Variants in PLCXD3 observed in about 807,000 individuals in gnomAD.
PLCXD3 encodes the protein PI-PLC X domain-containing protein 3.
PLCXD3 carries 19 observed loss-of-function variants against 25.5 expected under a neutral mutation model. That is an observed-to-expected ratio of 0.75 (90% CI 0.52 to 1.09). The LOEUF (loss-of-function observed/expected upper bound fraction) is 1.09, where lower values mean the gene tolerates loss of function less well. Ranked by LOEUF, PLCXD3 falls within the 50% of genes least tolerant of loss-of-function variation. The pLI is 0.00. For synonymous variants in PLCXD3, 174 were observed against 137.6 expected (o/e 1.26, Z -1.85); for missense variants, 411 against 388.1 (o/e 1.06, Z -0.50).
intron 2 of PLCXD3, among the ~76,000 whole-genome samples, chr5:41,376,243 C>T (rs1476947901): frequency 1.3e-5 from 2 of 152,092 alleles, no homozygotes; most frequent in South Asian, 2.1e-4. Context: ...TCCAAGGGGG[C>T]AGCACTGTCA....
rs1007448834 is a variant in PLCXD3 at position 41,412,887 on chromosome 5, A to G, written c.104-30353T>C. 2.0e-4 allele frequency among the ~76,000 whole-genome samples: 31 copies of G among 152,146 alleles called. 1 individual carries two copies. The highest frequency in any genetic ancestry group is 2.1e-4 in the Non-Finnish European group (14 of 68,020). On this transcript the variant is annotated intron_variant, in intron 1 of 2. Coordinates refer to ENST00000377801, the MANE Select transcript of PLCXD3 (RefSeq NM_001005473.3). ...AACTGTAAAGCCTTTCTTTAATTCA[A>G]CTATTTGTACTGTCTTCTGGTAGGA...
intron 1 of PLCXD3, among the ~76,000 whole-genome samples, chr5:41,418,637 GAAT>G (rs1746747453): frequency 6.6e-6 from 1 of 152,086 alleles, no homozygotes; most frequent in African/African-American, 2.4e-5. Context: ...TCCAGTTTAT[GAAT>G]CAAACCACAT....
intron 2 of PLCXD3, among the ~76,000 whole-genome samples, chr5:41,370,934 T>C (rs935170622): frequency 6.6e-6 from 1 of 152,184 alleles, no homozygotes; most frequent in Non-Finnish European, 1.5e-5. Flanking sequence ...TTCTATTTTT[T>C]TCCTGCCCTG....
intron 1 of PLCXD3, among the ~76,000 whole-genome samples, chr5:41,383,119 T>C (rs1745523544): frequency 6.6e-6 from 1 of 152,142 alleles, no homozygotes; most frequent in South Asian, 2.1e-4. Flanking sequence ...TTCCTGACCT[T>C]GTGTTTGGGC....
In PLCXD3 at chr5:41,313,056, A is replaced by C. The variant is rs1445541878; in HGVS notation, c.*561T>G. ...GACCTTCAATATTACTGATGCATGG[A>C]AACTGATTTGATGCAGATTTTCTAT... On this transcript the variant is annotated 3_prime_UTR_variant, in exon 3 of 3. Transcript: ENST00000377801. 6.5e-6 allele frequency: 1 copy of C among 152,910 alleles called. No individual in the cohort carries two copies. Among genetic ancestry groups the C allele is most frequent in the East Asian group, 1.9e-4 (1 of 5,198 alleles). 9.5% of individuals were successfully genotyped at this position (152,910 alleles called of 1,614,324 possible).
intron 2 of PLCXD3, among the ~76,000 whole-genome samples, chr5:41,362,784 T>C (rs10512774): frequency 0.075 from 11,362 of 152,244 alleles, 745 homozygotes; most frequent in East Asian, 0.35. Context: ...TTTATTATAG[T>C]GCTGCGTAGT....
chr5:41,476,334 C>G (rs1339468691), intron 1 of PLCXD3, among the ~76,000 whole-genome samples: 1 of 152,198 alleles, frequency 6.6e-6, no homozygotes, highest in Non-Finnish European at 1.5e-5. Flanking sequence ...ATGTCCTCAC[C>G]ATTCCCAGAA....
intron 2 of PLCXD3, among the ~76,000 whole-genome samples, chr5:41,357,373 A>G (rs893532603): frequency 6.6e-6 from 1 of 152,260 alleles, no homozygotes; most frequent in African/African-American, 2.4e-5. Context: ...GGCATTGGCC[A>G]ATTATAAATT....
At chr5:41,454,281 A>C (rs2150515147) in intron 1 of PLCXD3, among the ~76,000 whole-genome samples, 1 of 152,138 alleles carries the variant, frequency 6.6e-6, no homozygotes, top group African/African-American at 2.4e-5. Flanking sequence ...TACTATAACA[A>C]AATACCATAA....
intron 2 of PLCXD3, among the ~76,000 whole-genome samples, chr5:41,360,511 C>A (rs1444762627): frequency 6.6e-6 from 1 of 152,164 alleles, no homozygotes; most frequent in African/African-American, 2.4e-5. Context: ...ACTTGGGACT[C>A]AAGGGCTGCT....
intron 2 of PLCXD3, among the ~76,000 whole-genome samples, chr5:41,365,910 CATTTATTTATTT>C (rs71608604): frequency 0.55 from 80,589 of 147,456 alleles, 22,379 homozygotes; most frequent in Middle Eastern, 0.6. Flanking sequence ...AATAGGTCAC[CATTTATTTATTT>C]ATTTATTTAT....
At chr5:41,360,040 T>A (rs886202688) in intron 2 of PLCXD3, among the ~76,000 whole-genome samples, 3 of 152,304 alleles carry the variant, frequency 2.0e-5, no homozygotes, top group Admixed American at 6.5e-5. Flanking sequence ...TTTTAAAAAA[T>A]TCTTTTTTAT....
intron 1 of PLCXD3, among the ~76,000 whole-genome samples, chr5:41,403,710 C>T (rs1224038668): frequency 2.3e-5 from 3 of 130,830 alleles, no homozygotes; most frequent in Non-Finnish European, 4.8e-5. Context: ...CAATTTCATC[C>T]ATGTCCCTAC....
At chr5:41,434,860 G>A (rs1283915176) in intron 1 of PLCXD3, among the ~76,000 whole-genome samples, 1 of 152,128 alleles carries the variant, frequency 6.6e-6, no homozygotes, top group Non-Finnish European at 1.5e-5. Context: ...TGGCATTACT[G>A]TGGAGGCACA....
At chr5:41,332,845 CA>C (rs1335624746) in intron 2 of PLCXD3, among the ~76,000 whole-genome samples, 1 of 151,942 alleles carries the variant, frequency 6.6e-6, no homozygotes, top group Non-Finnish European at 1.5e-5. Context: ...ATCGCAAGAA[CA>C]AAAAACCAAG....
intron 1 of PLCXD3, among the ~76,000 whole-genome samples, chr5:41,468,682 G>A (rs1482511017): frequency 1.3e-5 from 2 of 152,006 alleles, no homozygotes; most frequent in Admixed American, 1.3e-4. Flanking sequence ...TCTGTTATTA[G>A]TATATAGAAA....
At chr5:41,402,906 T>C (rs902539066) in intron 1 of PLCXD3, among the ~76,000 whole-genome samples, 1 of 152,094 alleles carries the variant, frequency 6.6e-6, no homozygotes, top group African/African-American at 2.4e-5. Flanking sequence ...ATAAAATGAG[T>C]TTCTTGTAGA....
intron 1 of PLCXD3, among the ~76,000 whole-genome samples, chr5:41,403,402 T>TTTGTTTG (rs1746252341): frequency 3.3e-5 from 1 of 30,188 alleles, no homozygotes; most frequent in Non-Finnish European, 8.1e-5. Flanking sequence ...TTATTTGTTG[T>TTTGTTTG]TTTTTTTTTT....
At chr5:41,426,761 G>A (rs552078102) in intron 1 of PLCXD3, among the ~76,000 whole-genome samples, 1 of 151,954 alleles carries the variant, frequency 6.6e-6, no homozygotes, top group East Asian at 1.9e-4. Flanking sequence ...ATTACTTCTT[G>A]CATCCCATTC....
Sources: gnomAD v4.1 joint callset for allele counts (sites outside exome capture counted in the v4.1 genomes callset) on GRCh38, gnomAD v4.1.1 for gene constraint, MANE v1.5 for transcripts, NCBI Gene and HGNC (gene_info 2026-07-23, HGNC 2026-07-21) for gene names.